The following NTM variants were observed in gnomAD, a reference collection of about 807,000 sequenced individuals.
The protein encoded by NTM is IgLON family member 2.
A neutral mutation model predicts 42.1 loss-of-function variants in NTM; 13 were observed. That is an observed-to-expected ratio of 0.31 (90% CI 0.20 to 0.49). NTM has a LOEUF of 0.49. Ranked by LOEUF, NTM falls within the 20% of genes least tolerant of loss-of-function variation. The probability of loss-of-function intolerance (pLI) is 0.99; values close to 1 mark genes in which losing one functional copy is unlikely to be tolerated. For missense variants in NTM, 373 were observed against 452.8 expected (o/e 0.82, Z 1.60); for synonymous variants, 187 against 179.2 (o/e 1.04, Z -0.35).
At chr11:131,799,537 C>T (rs1264984934) in intron 1 of NTM, among the ~76,000 whole-genome samples, 1 of 152,010 alleles carries the variant, frequency 6.6e-6, no homozygotes, top group Admixed American at 6.6e-5. Flanking sequence ...ATTCAAGGCC[C>T]CTGAAGATCA....
chr11:131,447,671 A>G (rs540407021), intron 1 of NTM, among the ~76,000 whole-genome samples: 9 of 152,300 alleles, frequency 5.9e-5, no homozygotes, highest in Non-Finnish European at 1.0e-4. Flanking sequence ...CACAATTATT[A>G]TTAATTTCCC....
At chr11:131,945,522 A>G (rs956352466) in intron 2 of NTM, among the ~76,000 whole-genome samples, 1 of 152,204 alleles carries the variant, frequency 6.6e-6, no homozygotes, top group African/African-American at 2.4e-5. Flanking sequence ...ATGTAAGCCT[A>G]TACCCTTCTC....
chr11:132,148,734 G>C (rs752756137), intron 3 of NTM, among the ~76,000 whole-genome samples: 1 of 152,120 alleles, frequency 6.6e-6, no homozygotes, highest in Non-Finnish European at 1.5e-5. Context: ...AATGCTTATT[G>C]AAGCAAATGG....
intron 1 of NTM, among the ~76,000 whole-genome samples, chr11:131,564,328 G>T (rs2056604734): frequency 6.6e-6 from 1 of 152,160 alleles, no homozygotes; most frequent in South Asian, 2.1e-4. Context: ...CTGGAGGCTG[G>T]AAGTCTGAGA....
intron 1 of NTM, among the ~76,000 whole-genome samples, chr11:131,906,293 G>A (rs545051496): frequency 1.4e-4 from 21 of 152,222 alleles, no homozygotes; most frequent in South Asian, 6.2e-4. Context: ...TGAGTGGTCA[G>A]CTCTTAAATA....
At chr11:131,468,396 C>G (rs1952097344) in intron 1 of NTM, among the ~76,000 whole-genome samples, 1 of 152,258 alleles carries the variant, frequency 6.6e-6, no homozygotes, top group Non-Finnish European at 1.5e-5. Flanking sequence ...CATGTTAGCA[C>G]ATGCCAGCTG....
At chr11:131,558,089 G>T (rs935875170) in intron 1 of NTM, among the ~76,000 whole-genome samples, 1 of 152,180 alleles carries the variant, frequency 6.6e-6, no homozygotes, top group Non-Finnish European at 1.5e-5. Context: ...CTATGACATT[G>T]CTCCCTTTGA....
chr11:131,739,758 C>T (rs749059965), intron 1 of NTM, among the ~76,000 whole-genome samples: 2 of 152,198 alleles, frequency 1.3e-5, no homozygotes, highest in Non-Finnish European at 2.9e-5. Context: ...TCCAGTGTCA[C>T]ACAAAGTCCC....
chr11:131,850,874 C>G (rs568277271), intron 1 of NTM, among the ~76,000 whole-genome samples: 1 of 152,340 alleles, frequency 6.6e-6, no homozygotes, highest in East Asian at 1.9e-4. Flanking sequence ...GAAGAGGCAG[C>G]AGGTTATTTC....
intron 1 of NTM, among the ~76,000 whole-genome samples, chr11:131,704,795 G>A (rs990593187): frequency 6.6e-6 from 1 of 152,128 alleles, no homozygotes; most frequent in Non-Finnish European, 1.5e-5. Context: ...TTAAAAAACA[G>A]AAATCCGGAG....
chr11:132,110,852 T>C (rs1402748681), intron 2 of NTM, among the ~76,000 whole-genome samples: 1 of 151,780 alleles, frequency 6.6e-6, no homozygotes, highest in Non-Finnish European at 1.5e-5. Flanking sequence ...CTGGGCAACA[T>C]AGAGAGACCT....
intron 4 of NTM, among the ~76,000 whole-genome samples, chr11:132,304,064 C>T (rs1015293863): frequency 6.6e-6 from 1 of 152,118 alleles, no homozygotes; most frequent in African/African-American, 2.4e-5. Context: ...TGATCTGTTG[C>T]CTTCTTCATA....
At chr11:131,615,066 C>T (rs1031024046) in intron 1 of NTM, among the ~76,000 whole-genome samples, 4 of 152,214 alleles carry the variant, frequency 2.6e-5, no homozygotes, top group African/African-American at 9.7e-5. Flanking sequence ...TCCCAAAAAG[C>T]TGGTGAGCAG....
At chr11:132,081,711 G>A (rs1201491137) in intron 2 of NTM, among the ~76,000 whole-genome samples, 4 of 148,760 alleles carry the variant, frequency 2.7e-5, no homozygotes, top group South Asian at 4.2e-4. Flanking sequence ...GCGATAGAGC[G>A]AGACTCCATC....
chr11:131,370,729 A>C lies in NTM; in HGVS notation c.-78A>C. The C allele has an allele frequency of 8.0e-7, 1 of 1,242,750 alleles. No homozygotes were observed. The highest frequency in any genetic ancestry group is 1.3e-5 in the South Asian group (1 of 77,290). 77.0% of individuals were successfully genotyped at this position (1,242,750 alleles called of 1,614,324 possible). A position where few individuals can be genotyped will look rare whatever the true frequency, so the allele number is the denominator to read the frequency against. ...AATCTCCTTGCACAAGCTTGAGAGC[A>C]ACACAATCTATCAGGAAAGAAAGAA... On this transcript the variant is annotated 5_prime_UTR_variant, in exon 1 of 9. Coordinates refer to ENST00000683400, the MANE Select transcript of NTM (RefSeq NM_001352005.2).
At chr11:131,528,567 A>G (rs2050814299) in intron 1 of NTM, among the ~76,000 whole-genome samples, 1 of 152,190 alleles carries the variant, frequency 6.6e-6, no homozygotes, top group Admixed American at 6.5e-5. Context: ...GCCCATGATG[A>G]CTTCTTATTC....
At chr11:132,039,005 G>A (rs1351576175) in intron 2 of NTM, among the ~76,000 whole-genome samples, 2 of 152,174 alleles carry the variant, frequency 1.3e-5, no homozygotes, top group Non-Finnish European at 2.9e-5. Flanking sequence ...GTGTCTGAGT[G>A]GTTATTTGAG....
At chr11:131,960,476 G>A (rs1007213644) in intron 2 of NTM, among the ~76,000 whole-genome samples, 9 of 152,218 alleles carry the variant, frequency 5.9e-5, no homozygotes, top group African/African-American at 2.2e-4. Context: ...GGGAATCGGG[G>A]AGACAATGGC....
intron 1 of NTM, among the ~76,000 whole-genome samples, chr11:131,695,724 T>C (rs1451145335): frequency 6.6e-6 from 1 of 152,064 alleles, no homozygotes; most frequent in African/African-American, 2.4e-5. Flanking sequence ...ACCAGAAAGA[T>C]TGAGCATTTA....
Sources: allele counts gnomAD v4.1 joint callset (sites outside exome capture counted in the v4.1 genomes callset), GRCh38; gene constraint gnomAD v4.1.1; transcripts MANE v1.5; gene names NCBI Gene and HGNC (gene_info 2026-07-23, HGNC 2026-07-21).